Variants in ZBTB40 observed in about 807,000 individuals in gnomAD.
The protein encoded by ZBTB40 is zinc finger and BTB domain-containing protein 40.
Under a neutral mutation model 117.5 loss-of-function variants are expected in ZBTB40, and 60 were observed. The observed-to-expected ratio is 0.51, with a 90% CI of 0.41 to 0.63. The LOEUF (loss-of-function observed/expected upper bound fraction) is 0.63. ZBTB40 is among the 30% of genes least tolerant of loss of function. The probability of loss-of-function intolerance (pLI) is 0.00; values close to 1 mark genes in which losing one functional copy is unlikely to be tolerated. For missense variants in ZBTB40, 1,287 were observed against 1,498.5 expected (o/e 0.86, Z 2.33); for synonymous variants, 525 against 577.1 (o/e 0.91, Z 1.29).
intron 1 of ZBTB40, among the ~76,000 whole-genome samples, chr1:22,482,653 C>G (rs1230239144): frequency 1.3e-5 from 2 of 150,632 alleles, no homozygotes; most frequent in African/African-American, 4.8e-5. Context: ...TCATCCCTCC[C>G]TCTCCTCTAA....
At chr1:22,516,852 A>G (rs1453433838) in intron 12 of ZBTB40, among the ~76,000 whole-genome samples, 6 of 152,218 alleles carry the variant, frequency 3.9e-5, no homozygotes, top group Non-Finnish European at 5.9e-5. Flanking sequence ...TAATAACTTT[A>G]TAGCAAGCAA....
At position 22,511,194 on chromosome 1, in the gene ZBTB40, TCTGAGA is replaced by T. The variant is rs1252910189; in HGVS notation, c.1851_1856del (p.Glu618_Thr619del). 1 of 1,612,894 alleles carries T rather than the reference TCTGAGA, an allele frequency of 6.2e-7. No individual in the cohort carries two copies. Among genetic ancestry groups the T allele is most frequent in the African/African-American group, 1.3e-5 (1 of 74,760 alleles). On this transcript the variant is annotated inframe_deletion, in exon 10 of 18. Transcript: ENST00000375647. ...ATTCATTTAGATTCTGAGCATTCCC[TCTGAGA>T]CAGCCAGCCCTGAAGCTTCCCTGAG...
chr1:22,512,176 G>T, intron 11 of ZBTB40, 42 bp downstream of exon 11: 2 of 1,608,558 alleles, frequency 1.2e-6, no homozygotes, highest in South Asian at 2.2e-5. Context: ...GATAATTGTG[G>T]GTTTTATAGC....
intron 1 of ZBTB40, among the ~76,000 whole-genome samples, chr1:22,482,500 C>T (rs577205380): frequency 2.0e-5 from 3 of 152,196 alleles, no homozygotes; most frequent in East Asian, 1.9e-4. Flanking sequence ...AATTCTTACC[C>T]GGAGTCCATA....
At chr1:22,447,680 T>C (rs1640805403), upstream of ZBTB40, among the ~76,000 whole-genome samples, 1 of 152,228 alleles carries the variant, frequency 6.6e-6, no homozygotes, top group Non-Finnish European at 1.5e-5. Flanking sequence ...GCAGAAGTGC[T>C]ACTGTTGTCT....
chr1:22,431,384 G>GTGTGTGTGTGTA (rs1222294324), intron 1 of ZBTB40, among the ~76,000 whole-genome samples: 41 of 119,696 alleles, frequency 3.4e-4, no homozygotes, highest in African/African-American at 1.5e-3. Context: ...GTGTGTGTGT[G>GTGTGTGTGTGTA]TATATATATA....
rs757967766 is a variant in ZBTB40, at chr1:22,520,225, C to T, written c.2998C>T (p.His1000Tyr). Residue 1000 changes from histidine to tyrosine, a missense_variant, in exon 14 of 18, where the codon CAC becomes TAC. His to Tyr is a moderately conservative substitution (Grantham distance 83). Around this residue, in one of 2 missense-constraint regions of ZBTB40, gnomAD observed 417 missense variants for 564.1 expected, o/e 0.74. Coordinates refer to ENST00000375647, the MANE Select transcript of ZBTB40 (RefSeq NM_014870.4). ...PSMLERHVVTHVGGKPFSCGI... is the reference protein window; with the variant it reads ...PSMLERHVVTYVGGKPFSCGI... ...CATGCTGGAGCGGCACGTGGTGACC[C>T]ACGTTGGAGGGAAGCCCTTCAGCTG... The T allele has an allele frequency of 2.5e-6, 4 of 1,613,880 alleles. No homozygotes were observed. The highest frequency in any genetic ancestry group is 3.3e-5 in the Admixed American group (2 of 59,996).
intron 5 of ZBTB40, 115 bp from the exon 6 acceptor site, chr1:22,505,934 G>A: frequency 9.8e-7 from 1 of 1,022,842 alleles, no homozygotes; most frequent in Non-Finnish European, 1.5e-6. Context: ...ACCAACAGAA[G>A]AGGACTTGGA....
At chr1:22,471,682 G>A (rs1641407813) in intron 1 of ZBTB40, among the ~76,000 whole-genome samples, 1 of 152,092 alleles carries the variant, frequency 6.6e-6, no homozygotes, top group Non-Finnish European at 1.5e-5. Context: ...CAGTGGATTG[G>A]GCAAAAAAGA....
rs762076099 is a variant in ZBTB40 at position 22,489,971 on chromosome 1, G to A, written c.23G>A (p.Arg8Gln). Residue 8 changes from arginine (R) to glutamine (Q), a missense_variant, in exon 2 of 18, where the codon CGG becomes CAG. Transcript: ENST00000375647. MELPNYS[R>Q]QLLQQLYTLC... Reference sequence around the variant, plus strand: ...GCAATGGAGCTCCCCAACTACAGCCGGCAGCTGCTGCAGCAGCTGTACACT... The same window carrying A: ...GCAATGGAGCTCCCCAACTACAGCCAGCAGCTGCTGCAGCAGCTGTACACT... 16 of 1,612,516 alleles carry A rather than the reference G, an allele frequency of 9.9e-6. No individual in the cohort carries two copies. The Admixed American group carries it at 1.3e-4, about 13-fold the overall frequency.
intron 1 of ZBTB40, among the ~76,000 whole-genome samples, chr1:22,471,117 C>T (rs143036941): frequency 2.6e-5 from 4 of 152,248 alleles, no homozygotes; most frequent in Non-Finnish European, 4.4e-5. Context: ...ATTTCTGTAT[C>T]GGCAAGGTTG....
In ZBTB40 at chr1:22,431,382, G is replaced by GTATATATA. The variant is rs1308135309; in HGVS notation, c.-70+2369_-70+2370insATATATAT. On this transcript the variant is annotated intron_variant, in intron 1 of 8. Transcript: ENST00000650433. ...ATATTTTGTGTGTGTGTGTGTGTGT[G>GTATATATA]TGTATATATATATATATATATATAT... is the stretch of plus-strand genomic sequence containing the variant. 6.7e-3 allele frequency among the ~76,000 whole-genome samples: 104 copies of GTATATATA among 15,496 alleles called. 1 individual carries two copies. Among genetic ancestry groups the GTATATATA allele is most frequent in the African/African-American group, 8.8e-3 (83 of 9,462 alleles). 10.2% of individuals were successfully genotyped at this position (15,496 alleles called of 152,430 possible).
At chr1:22,443,018 G>T (rs1640750810) in intron 1 of ZBTB40, among the ~76,000 whole-genome samples, 1 of 152,110 alleles carries the variant, frequency 6.6e-6, no homozygotes, top group Non-Finnish European at 1.5e-5. Context: ...CTCTGGCCAG[G>T]TTCTCAGAGT....
At chr1:22,514,554 G>T (rs767690968) in intron 12 of ZBTB40, among the ~76,000 whole-genome samples, 4 of 152,092 alleles carry the variant, frequency 2.6e-5, no homozygotes, top group Non-Finnish European at 5.9e-5. Flanking sequence ...TGCTGGGGAC[G>T]CTTCCCATCA....
chr1:22,519,959 C>G (rs7551801), intron 13 of ZBTB40, 102 bp from the exon 14 acceptor site: 366,114 of 1,047,664 alleles, frequency 0.35, 66,179 homozygotes, highest in Admixed American at 0.54. Context: ...AGAGTCTTCA[C>G]ATTTGTTGCT....
In ZBTB40 at chr1:22,491,583, A is replaced by C. The variant is rs774350523; in HGVS notation, c.831+50A>C. On this transcript the variant is annotated intron_variant, in intron 3 of 17. Coordinates refer to ENST00000375647, the MANE Select transcript of ZBTB40 (RefSeq NM_014870.4). ...TGTTTGCTAGTTTAGTGTTCTCAGGATACCTTACTAACTTTTTATATGGGG... is the reference window on the plus strand; with the variant it reads ...TGTTTGCTAGTTTAGTGTTCTCAGGCTACCTTACTAACTTTTTATATGGGG... 13 of 1,601,132 alleles carry C rather than the reference A, an allele frequency of 8.1e-6. No individual in the cohort carries two copies. The Admixed American group carries it at 2.2e-4, about 27-fold the overall frequency.
chr1:22,432,641 C>A (rs1328842682), intron 1 of ZBTB40, among the ~76,000 whole-genome samples: 1 of 152,198 alleles, frequency 6.6e-6, no homozygotes, highest in Non-Finnish European at 1.5e-5. Flanking sequence ...CTTTCGAGGT[C>A]TCTATTCAGA....
chr1:22,507,358 G>A (rs1417299405), intron 6 of ZBTB40, among the ~76,000 whole-genome samples: 8 of 152,134 alleles, frequency 5.3e-5, no homozygotes, highest in Admixed American at 3.3e-4. Flanking sequence ...TGTCATCATC[G>A]GCAAAGATTA....
chr1:22,522,184 G>A (rs1169752089), intron 15 of ZBTB40, among the ~76,000 whole-genome samples, 193 bp from the exon 16 acceptor site: 1 of 152,126 alleles, frequency 6.6e-6, no homozygotes, highest in Non-Finnish European at 1.5e-5. Flanking sequence ...GAGCATCCAG[G>A]CAGTCTGGAT....
Sources: gnomAD v4.1 joint callset for allele counts (sites outside exome capture counted in the v4.1 genomes callset) on GRCh38, gnomAD v4.1.1 for gene constraint, gnomAD v4.1.1 regional missense constraint, MANE v1.5 for transcripts, NCBI Gene and HGNC (gene_info 2026-07-23, HGNC 2026-07-21) for gene names.